Variants in ZMIZ1 observed in about 807,000 individuals in gnomAD.
ZMIZ1 encodes zinc finger MIZ-type containing 1, also known as zinc finger MIZ domain-containing protein 1.
In ZMIZ1, 17 loss-of-function variants were observed where a neutral mutation model predicts 113.9. The observed-to-expected ratio is 0.15, with a 90% CI of 0.10 to 0.22. ZMIZ1 has a LOEUF of 0.22. Among genes scored for constraint, ZMIZ1 ranks in the 10% least tolerant of loss-of-function variants. ZMIZ1 has a pLI of 1.00. For synonymous variants in ZMIZ1, 607 were observed against 603.1 expected (o/e 1.01, Z -0.09); for missense variants, 1,059 against 1,477.8 (o/e 0.72, Z 4.65).
chr10:79,296,975 C>T lies in ZMIZ1; in HGVS notation c.1413+322C>T, dbSNP rs1853942452. ...CCCCTGTATATATTAACATTTCATT[C>T]TAAACTTTGTATGTGCAGGTGGGCA... is the stretch of plus-strand genomic sequence containing the variant. On this transcript the variant is annotated intron_variant, in intron 13 of 24. Transcript: ENST00000334512. The surrounding 1 kb of genome is among the most constrained non-coding windows in gnomAD (Gnocchi z 4.1). 4.1e-6 allele frequency: 1 copy of T among 243,072 alleles called. No individual in the cohort carries two copies. Among genetic ancestry groups the T allele is most frequent in the South Asian group, 1.4e-4 (1 of 7,046 alleles). The allele number at this position is 243,072 out of a possible 1,614,324, so 15.1% of individuals were successfully genotyped here.
In ZMIZ1 at chr10:79,068,986, C is replaced by G. The variant is rs1842149399; in HGVS notation, c.-621C>G. The stretch of plus-strand genomic sequence containing the variant: ...GATTCACTTACTCACCCCCTAACGC[C>G]GAGTTCCTTTTCACTGTCTGTGGAC... On this transcript the variant is annotated 5_prime_UTR_variant, in exon 1 of 25. Coordinates refer to ENST00000334512, the MANE Select transcript of ZMIZ1 (RefSeq NM_020338.4). 1 of 151,742 alleles carries G rather than the reference C, an allele frequency of 6.6e-6. No individual in the cohort carries two copies. The allele number at this position is 151,742 out of a possible 1,614,324, so 9.4% of individuals were successfully genotyped here.
At chr10:79,245,073 T>C (rs1007904898) in intron 7 of ZMIZ1, among the ~76,000 whole-genome samples, 4 of 152,256 alleles carry the variant, frequency 2.6e-5, no homozygotes, top group Non-Finnish European at 4.4e-5. Flanking sequence ...ACTTCCTTAG[T>C]GAGAAACCAC....
intron 3 of ZMIZ1, among the ~76,000 whole-genome samples, chr10:79,152,780 A>G (rs1845763049): frequency 6.6e-6 from 1 of 152,228 alleles, no homozygotes; most frequent in Non-Finnish European, 1.5e-5. Flanking sequence ...GGCTAACACC[A>G]CCCACCTTAT....
intron 4 of ZMIZ1, among the ~76,000 whole-genome samples, chr10:79,193,410 A>G (rs552022123): frequency 1.1e-4 from 16 of 152,244 alleles, no homozygotes; most frequent in South Asian, 4.2e-4. Flanking sequence ...GGAACCCTCA[A>G]CGGGGTAACC....
intron 7 of ZMIZ1, among the ~76,000 whole-genome samples, chr10:79,245,644 A>G (rs1044767817): frequency 6.6e-6 from 1 of 152,168 alleles, no homozygotes; most frequent in African/African-American, 2.4e-5. Context: ...TCAGGCAGCT[A>G]GAGGGAGAAA....
At chr10:79,164,356 C>T (rs550001142) in intron 4 of ZMIZ1, among the ~76,000 whole-genome samples, 20 of 152,314 alleles carry the variant, frequency 1.3e-4, no homozygotes, top group South Asian at 4.1e-4. Flanking sequence ...TTCACTACCA[C>T]GTCTTAGTCC....
intron 1 of ZMIZ1, among the ~76,000 whole-genome samples, chr10:79,090,046 T>C (rs1842940920): frequency 6.6e-6 from 1 of 152,202 alleles, no homozygotes; most frequent in Admixed American, 6.5e-5. Flanking sequence ...ACCCCACCTC[T>C]CCCTCATCCT....
At chr10:79,252,072 G>A (rs1426475947) in intron 7 of ZMIZ1, among the ~76,000 whole-genome samples, 2 of 152,130 alleles carry the variant, frequency 1.3e-5, no homozygotes, top group Non-Finnish European at 2.9e-5. Context: ...GCCAACTTTG[G>A]CCCTTGAAAT....
intron 7 of ZMIZ1, among the ~76,000 whole-genome samples, chr10:79,254,248 G>A (rs1850736168): frequency 6.6e-6 from 1 of 152,222 alleles, no homozygotes; most frequent in Non-Finnish European, 1.5e-5. Context: ...CCTGTTTGAG[G>A]GCCAGTCTTA....
At chr10:79,167,467 G>A (rs1162390609) in intron 4 of ZMIZ1, among the ~76,000 whole-genome samples, 1 of 152,162 alleles carries the variant, frequency 6.6e-6, no homozygotes. Flanking sequence ...GTCTCTGTAG[G>A]CAAGGCCACT....
intron 1 of ZMIZ1, among the ~76,000 whole-genome samples, chr10:79,070,892 CCT>C (rs1164216101): frequency 6.8e-6 from 1 of 146,676 alleles, no homozygotes; most frequent in Non-Finnish European, 1.5e-5. Flanking sequence ...TCCCCCTTCT[CCT>C]CTCCCCTGAC....
chr10:79,247,188 C>A (rs1850257970), intron 7 of ZMIZ1, among the ~76,000 whole-genome samples: 1 of 152,198 alleles, frequency 6.6e-6, no homozygotes, highest in Admixed American at 6.5e-5. Context: ...AAAGAGGGTT[C>A]TTCAAGGCCC....
chr10:79,208,435 A>T lies in ZMIZ1; in HGVS notation c.160A>T (p.Met54Leu). The change falls in exon 6 of 25, where the codon ATG becomes TTG. Residue 54 changes from methionine (M) to leucine (L), a missense_variant. This residue lies in a region of ZMIZ1 where 272 missense variants were observed against 350.4 expected (regional missense o/e 0.78). Coordinates refer to ENST00000334512, the MANE Select transcript of ZMIZ1 (RefSeq NM_020338.4). ...CCAGCGGCCCTTCGAGCAGAGCCTGATGGGCTGTTTGACGGTGAGTCTGCA... is the reference window on the plus strand; with the variant it reads ...CCAGCGGCCCTTCGAGCAGAGCCTGTTGGGCTGTTTGACGGTGAGTCTGCA... ...AFQRPFEQSL[M>L]GCLTVVSRVA... 3.1e-6 allele frequency: 5 copies of T among 1,613,654 alleles called. No individual in the cohort carries two copies. Among genetic ancestry groups the T allele is most frequent in the Non-Finnish European group, 4.2e-6 (5 of 1,179,980 alleles).
At chr10:79,290,516 C>T (rs1312303779) in intron 9 of ZMIZ1, among the ~76,000 whole-genome samples, 4 of 152,214 alleles carry the variant, frequency 2.6e-5, no homozygotes, top group African/African-American at 9.6e-5. Flanking sequence ...AGGGTGGGTT[C>T]CTCTTGGCCC....
rs549398979 is a variant in ZMIZ1 at position 79,199,687 on chromosome 10, G to A, written c.-49-1897G>A. On this transcript the variant is annotated intron_variant, in intron 4 of 24. Transcript: ENST00000334512. ...TTCTAGATGAGACTCTCCAGAAGGG[G>A]GACTGATGGCACTGGTTCTCCTAGA... 3.3e-5 allele frequency among the ~76,000 whole-genome samples: 5 copies of A among 152,312 alleles called. No homozygotes were observed. In the South Asian group the frequency reaches 1.0e-3, roughly 32 times the overall value.
At chr10:79,305,042 C>A in intron 19 of ZMIZ1, 122 bp from the exon 20 acceptor site, 1 of 1,095,712 alleles carries the variant, frequency 9.1e-7, no homozygotes, top group Non-Finnish European at 1.4e-6. Context: ...AGCCCCAGCC[C>A]GGGGTTTCTC....
intron 4 of ZMIZ1, among the ~76,000 whole-genome samples, chr10:79,169,664 G>A (rs1000510437): frequency 1.3e-5 from 2 of 152,222 alleles, no homozygotes; most frequent in African/African-American, 2.4e-5. Flanking sequence ...CAAAGTGTGT[G>A]GGTTTCAGGG....
chr10:79,183,815 C>T (rs1296347133), intron 4 of ZMIZ1, among the ~76,000 whole-genome samples: 3 of 152,134 alleles, frequency 2.0e-5, no homozygotes, highest in African/African-American at 4.8e-5. Context: ...CAGGAAGGCA[C>T]GGCTGTTATC....
chr10:79,231,363 T>C (rs1849386943), intron 7 of ZMIZ1, among the ~76,000 whole-genome samples: 1 of 152,170 alleles, frequency 6.6e-6, no homozygotes, highest in Non-Finnish European at 1.5e-5. Context: ...TCCTCTTGCC[T>C]CAGCCTCCCC....
Sources: allele counts gnomAD v4.1 joint callset (sites outside exome capture counted in the v4.1 genomes callset), GRCh38; gene constraint gnomAD v4.1.1; regional missense constraint gnomAD v4.1.1; non-coding constraint Gnocchi (gnomAD v3.1); transcripts MANE v1.5; gene names NCBI Gene and HGNC (gene_info 2026-07-23, HGNC 2026-07-21).